OR3A2: variants seen among roughly 807,000 people sequenced by gnomAD.
OR3A2 encodes the protein olfactory receptor 3A2.
For missense variants in OR3A2, 318 were observed against 392.8 expected, an observed-to-expected ratio of 0.81 and a Z score of 1.61; for synonymous variants, 126 against 159.3, an observed-to-expected ratio of 0.79 and a Z score of 1.57.
chr17:3,310,196 G>C, intron 3 of OR3A2: 1 of 421,806 alleles, frequency 2.4e-6, no homozygotes, highest in Non-Finnish European at 4.8e-6. Flanking sequence ...TCCCGGCCCT[G>C]TCCTGGACAT....
rs188575726 is a variant in OR3A2, at chr17:3,373,152, A to G, written c.-179+10652T>C. ...TTCCAATTTTATTCCACTGTGGTCT[A>G]AGAGAGTACTTGATATAGTTTCCAT... On this transcript the variant is annotated intron_variant, in intron 2 of 4. Coordinates refer to the OR3A2 transcript ENST00000573491. Among the ~76,000 whole-genome samples the G allele has an allele frequency of 3.7e-3, 558 of 152,278 alleles. 3 individuals are homozygous for G. The highest frequency in any genetic ancestry group is 0.013 in the African/African-American group (540 of 41,558).
At chr17:3,333,965 A>T (rs955634459) in intron 3 of OR3A2, among the ~76,000 whole-genome samples, 2 of 152,332 alleles carry the variant, frequency 1.3e-5, no homozygotes, top group African/African-American at 4.8e-5. Flanking sequence ...GACACTTCTC[A>T]AAAGAAGACA....
chr17:3,306,694 A>AAAAAAACAC (rs1429072041), intron 3 of OR3A2, among the ~76,000 whole-genome samples: 1 of 118,226 alleles, frequency 8.5e-6, no homozygotes, highest in Non-Finnish European at 1.7e-5. Flanking sequence ...AAAAAAAAAA[A>AAAAAAACAC]ACCGTAACCC....
intron 1 of OR3A2, among the ~76,000 whole-genome samples, chr17:3,280,494 G>A (rs1291435888): frequency 1.3e-5 from 2 of 152,036 alleles, no homozygotes; most frequent in African/African-American, 2.4e-5. Context: ...GGATGGTCTC[G>A]ATCTCCTGAC....
chr17:3,363,465 G>T (rs2049535830), intron 2 of OR3A2, among the ~76,000 whole-genome samples: 1 of 151,636 alleles, frequency 6.6e-6, no homozygotes, highest in Non-Finnish European at 1.5e-5. Flanking sequence ...ATCACCATAT[G>T]AGACCACCTC....
chr17:3,333,128 C>T (rs190333161), intron 3 of OR3A2, among the ~76,000 whole-genome samples: 20 of 152,132 alleles, frequency 1.3e-4, no homozygotes, highest in Admixed American at 1.3e-3. Context: ...ATATTAAGAC[C>T]CTAGCAAAAT....
intron 3 of OR3A2, among the ~76,000 whole-genome samples, chr17:3,290,744 TTCAGGGTGACTCC>T (rs140106050): frequency 0.016 from 2,368 of 152,252 alleles, 71 homozygotes; most frequent in African/African-American, 0.053. Flanking sequence ...AGAAGGGACA[TTCAGGGTGACTCC>T]TCACCATATG....
At chr17:3,356,752 C>T (rs888002991) in intron 2 of OR3A2, among the ~76,000 whole-genome samples, 18 of 151,562 alleles carry the variant, frequency 1.2e-4, no homozygotes, top group African/African-American at 4.4e-4. Flanking sequence ...CAGACAAAGA[C>T]TCTATGATGA....
At chr17:3,308,590 G>T (rs953943235) in intron 3 of OR3A2, among the ~76,000 whole-genome samples, 1 of 152,116 alleles carries the variant, frequency 6.6e-6, no homozygotes. Context: ...GGGGAGGATG[G>T]CAATGCTGCT....
chr17:3,361,648 A>G (rs1294686092), intron 2 of OR3A2, among the ~76,000 whole-genome samples: 19 of 151,388 alleles, frequency 1.3e-4, no homozygotes, highest in Non-Finnish European at 2.4e-4. Context: ...TTTGTCAAAG[A>G]CCTTTTCTGC....
At chr17:3,350,671 T>C (rs1480580072) in intron 2 of OR3A2, among the ~76,000 whole-genome samples, 6 of 150,756 alleles carry the variant, frequency 4.0e-5, no homozygotes, top group Non-Finnish European at 7.4e-5. Flanking sequence ...GAATCCTCCC[T>C]AACTCATTTT....
intron 1 of OR3A2, 32 bp downstream of exon 4, chr17:3,279,044 G>A (rs1427393352): frequency 1.3e-5 from 20 of 1,494,354 alleles, no homozygotes; most frequent in Non-Finnish European, 1.6e-5. Context: ...TCCCTCACTC[G>A]TTGACCTCCT....
intron 2 of OR3A2, among the ~76,000 whole-genome samples, chr17:3,355,186 G>T (rs1286681888): frequency 2.0e-5 from 3 of 151,276 alleles, no homozygotes; most frequent in African/African-American, 4.9e-5. Flanking sequence ...TCAATTTTTT[G>T]AATGTTTTAT....
Position 3,292,305 on chromosome 17 carries a change from C to A in OR3A2, c.-84-13152G>T, listed in dbSNP as rs61736316. ...AAGGCAGGCCCCACAGGGAACTGCACGCTTGCGGGACAGGAGACGACTCAA... is the reference window on the plus strand; with the variant it reads ...AAGGCAGGCCCCACAGGGAACTGCAAGCTTGCGGGACAGGAGACGACTCAA... On this transcript the variant is annotated intron_variant, in intron 3 of 4. Coordinates refer to the OR3A2 transcript ENST00000573491. 94 of 1,614,056 alleles carry A rather than the reference C, an allele frequency of 5.8e-5. No homozygotes were observed. The African/African-American group carries it at 1.1e-3, about 19-fold the overall frequency.
At chr17:3,293,926 C>G (rs143759240) in intron 3 of OR3A2, among the ~76,000 whole-genome samples, 2,112 of 152,128 alleles carry the variant, frequency 0.014, 31 homozygotes, top group African/African-American at 0.047. Flanking sequence ...TGTACACAGA[C>G]AGGGAAACAA....
In OR3A2 at chr17:3,292,311, C is replaced by A. The variant is rs372689671; in HGVS notation, c.-84-13158G>T. 9 of 1,614,102 alleles carry A rather than the reference C, an allele frequency of 5.6e-6. No homozygotes were observed. In the East Asian group the frequency reaches 1.8e-4, roughly 32 times the overall value. On this transcript the variant is annotated intron_variant, in intron 3 of 4. Coordinates refer to the OR3A2 transcript ENST00000573491. ...GGCCCCACAGGGAACTGCACGCTTGCGGGACAGGAGACGACTCAACATTGA... is the reference window on the plus strand; with the variant it reads ...GGCCCCACAGGGAACTGCACGCTTGAGGGACAGGAGACGACTCAACATTGA...
intron 2 of OR3A2, among the ~76,000 whole-genome samples, chr17:3,381,787 C>T (rs545705698): frequency 4.1e-4 from 63 of 152,286 alleles, no homozygotes; most frequent in African/African-American, 1.5e-3. Flanking sequence ...GTCCTTCAAG[C>T]TCGCCCTGCT....
intron 3 of OR3A2, among the ~76,000 whole-genome samples, chr17:3,328,038 G>A (rs971496411): frequency 4.9e-5 from 7 of 143,150 alleles, no homozygotes; most frequent in Non-Finnish European, 1.1e-4. Flanking sequence ...TTGGCGATGG[G>A]GGCTCTTTTT....
chr17:3,349,864 C>A lies in OR3A2; in HGVS notation c.-178-13738G>T, dbSNP rs568766352. ...ACCACAGTGCAATCAAACTAGAACT[C>A]ATGATTAAGAATCTCACTCAAAACC... On this transcript the variant is annotated intron_variant, in intron 2 of 4. Coordinates refer to the OR3A2 transcript ENST00000573491. Among the ~76,000 whole-genome samples, 5 of 152,240 alleles carry A rather than the reference C, an allele frequency of 3.3e-5. No homozygotes were observed. In the East Asian group the frequency reaches 7.7e-4, roughly 23 times the overall value.
Sources: allele counts gnomAD v4.1 joint callset (sites outside exome capture counted in the v4.1 genomes callset), GRCh38; gene constraint gnomAD v4.1.1; transcripts MANE v1.5; gene names NCBI Gene and HGNC (gene_info 2026-07-23, HGNC 2026-07-21).